PHF13: variants seen among roughly 807,000 people sequenced by gnomAD.
The protein encoded by PHF13 is PHD zinc finger protein PHF5.
In PHF13, 1 loss-of-function variant was observed where a neutral mutation model predicts 25.8. The ratio of observed to expected loss-of-function variants is 0.04; its 90% confidence interval spans 0.01 to 0.18. The LOEUF (loss-of-function observed/expected upper bound fraction) is 0.18. Among genes scored for constraint, PHF13 ranks in the 10% least tolerant of loss-of-function variants. The probability of loss-of-function intolerance (pLI) is 1.00; values close to 1 mark genes in which losing one functional copy is unlikely to be tolerated. For missense variants in PHF13, 306 were observed against 403.2 expected (o/e 0.76, Z 2.06); for synonymous variants, 195 against 162.4 (o/e 1.20, Z -1.53).
rs1641375008 is a variant in PHF13, at chr1:6,623,351, G to A, written c.*1714G>A. On this transcript the variant is annotated 3_prime_UTR_variant, in exon 4 of 4. Transcript: ENST00000377648. ...GTGAAGATCCCCAAGGGGGAGGTTC[G>A]GTAGAGAAAAATAGTAAGCTGGTTT... 1 of 152,606 alleles carries A rather than the reference G, an allele frequency of 6.6e-6. No individual in the cohort carries two copies. The highest frequency in any genetic ancestry group is 1.5e-5 in the Non-Finnish European group (1 of 68,048). The allele number at this position is 152,606 out of a possible 1,614,324, so 9.5% of individuals were successfully genotyped here.
At chr1:6,619,058 C>T (rs954842079) in intron 2 of PHF13, among the ~76,000 whole-genome samples, 1 of 152,188 alleles carries the variant, frequency 6.6e-6, no homozygotes, top group Non-Finnish European at 1.5e-5. Flanking sequence ...GCAGTAATTA[C>T]CTACTTGGAT....
At chr1:6,616,995 T>G in intron 2 of PHF13, 137 bp downstream of exon 2, 1 of 661,288 alleles carries the variant, frequency 1.5e-6, no homozygotes, top group African/African-American at 1.8e-5. Flanking sequence ...CAGTCACTAG[T>G]CTGGCAGAAA....
In PHF13 at chr1:6,623,710, C is replaced by T. The variant is rs1172632589; in HGVS notation, c.*2073C>T. 2.6e-5 allele frequency: 4 copies of T among 152,552 alleles called. No individual in the cohort carries two copies. The highest frequency in any genetic ancestry group is 6.6e-5 in the Admixed American group (1 of 15,260). 9.4% of individuals were successfully genotyped at this position (152,552 alleles called of 1,614,324 possible). The stretch of plus-strand genomic sequence containing the variant: ...TCCCTGTGGGTGGTGTCTAAGAAGT[C>T]GGACACCTTGGTTTTTGTGTTAGAT... On this transcript the variant is annotated 3_prime_UTR_variant, in exon 4 of 4. Transcript: ENST00000377648.
chr1:6,615,470 G>C (rs1641246953), intron 1 of PHF13, among the ~76,000 whole-genome samples: 1 of 152,108 alleles, frequency 6.6e-6, no homozygotes, highest in South Asian at 2.1e-4. Context: ...TTTTCTAAGG[G>C]CACCGACTTT....
In PHF13 at chr1:6,621,033, A is replaced by AG. The variant is rs1641330706; in HGVS notation, c.677-378_677-377insG. ...GGCGACAGCAAAACTCCGTCTCAAG[A>AG]AAAAAAAAAAAAACAATAGTCGAGT... On this transcript the variant is annotated intron_variant, in intron 3 of 3. Coordinates refer to ENST00000377648, the MANE Select transcript of PHF13 (RefSeq NM_153812.3). This position sits in a 1 kb window ranked among gnomAD's most constrained non-coding sequence, Gnocchi z 4.8. 5.6e-5 allele frequency among the ~76,000 whole-genome samples: 1 copy of AG among 17,792 alleles called. No homozygotes were observed. 11.7% of individuals were successfully genotyped at this position (17,792 alleles called of 152,430 possible).
chr1:6,618,251 C>T (rs1641289361), intron 2 of PHF13, among the ~76,000 whole-genome samples: 2 of 152,096 alleles, frequency 1.3e-5, no homozygotes, highest in Admixed American at 6.6e-5. Context: ...CCTCCCACCT[C>T]AGCCTTCCAA....
At position 6,613,794 on chromosome 1, in the gene PHF13, TCACCGCCGC is replaced by T; in HGVS notation, c.-271_-263del. 1 of 199,350 alleles carries T rather than the reference TCACCGCCGC, an allele frequency of 5.0e-6. No homozygotes were observed. Among genetic ancestry groups the T allele is most frequent in the Non-Finnish European group, 9.7e-6 (1 of 102,978 alleles). 12.3% of individuals were successfully genotyped at this position (199,350 alleles called of 1,614,324 possible). A position where few individuals can be genotyped will look rare whatever the true frequency, so the allele number is the denominator to read the frequency against. ...GTCGGGGAGCCGGTCGGGTTCCCGC[TCACCGCCGC>T]CGCCGCCGCCCCCTGCAGCCACTCT... On this transcript the variant is annotated 5_prime_UTR_variant, in exon 1 of 4. Coordinates refer to ENST00000377648, the MANE Select transcript of PHF13 (RefSeq NM_153812.3).
chr1:6,620,253 C>T lies in PHF13; in HGVS notation c.592C>T (p.Arg198Trp), dbSNP rs762755982. 4 of 1,613,970 alleles carry T rather than the reference C, an allele frequency of 2.5e-6. No individual in the cohort carries two copies. The highest frequency in any genetic ancestry group is 3.4e-6 in the Non-Finnish European group (4 of 1,180,010). Reference sequence around the variant, plus strand: ...CAAAGAAATAAAAACTGAAGGCAAACGGACTATCGTCCGGCAGGGAAAGCA... The same window carrying T: ...CAAAGAAATAAAAACTGAAGGCAAATGGACTATCGTCCGGCAGGGAAAGCA... ...QVKEIKTEGK[R>W]TIVRQGKQVV... is the part of the protein sequence containing the mutation. The change falls in exon 3 of 4, where the codon CGG becomes TGG. Residue 198 changes from arginine to tryptophan, a missense_variant. By Grantham distance (101) the Arg-to-Trp change is moderately radical (BLOSUM62 -3). Coordinates refer to ENST00000377648, the MANE Select transcript of PHF13 (RefSeq NM_153812.3).
chr1:6,614,052 C>A lies in PHF13; in HGVS notation c.-15C>A, dbSNP rs536679116. 12 of 1,589,292 alleles carry A rather than the reference C, an allele frequency of 7.6e-6. No homozygotes were observed. Among genetic ancestry groups the A allele is most frequent in the African/African-American group, 1.4e-5 (1 of 71,650 alleles). On this transcript the variant is annotated 5_prime_UTR_variant, in exon 1 of 4. Coordinates refer to ENST00000377648, the MANE Select transcript of PHF13 (RefSeq NM_153812.3). Reference sequence around the variant, plus strand: ...TCCTGCACTCTCGCAGCCGCCGCCGCCCCCCGCCCGGAACATGGACTCTGA... The same window carrying A: ...TCCTGCACTCTCGCAGCCGCCGCCGACCCCCGCCCGGAACATGGACTCTGA...
rs183505692 is a variant in PHF13 at position 6,619,721 on chromosome 1, C to T, written c.142-82C>T. ...TGTGCAGATGTCTCTGGAGGTCTGA[C>T]ATGGCTGGGTGGCTGGGGATGCTCT... On this transcript the variant is annotated intron_variant, in intron 2 of 3. Transcript: ENST00000377648. 40 of 1,410,024 alleles carry T rather than the reference C, an allele frequency of 2.8e-5. No individual in the cohort carries two copies. The East Asian group carries it at 8.5e-4, about 30-fold the overall frequency. The allele number at this position is 1,410,024 out of a possible 1,614,324, so 87.3% of individuals were successfully genotyped here.
intron 2 of PHF13, among the ~76,000 whole-genome samples, chr1:6,617,504 T>C (rs999873848): frequency 2.0e-5 from 3 of 152,044 alleles, no homozygotes; most frequent in African/African-American, 4.8e-5. Context: ...GTGGTGCAAT[T>C]GTGGCTCACT....
chr1:6,620,974 G>C (rs534531153), intron 3 of PHF13, among the ~76,000 whole-genome samples: 84 of 151,696 alleles, frequency 5.5e-4, no homozygotes, highest in African/African-American at 1.9e-3. Flanking sequence ...GGAGGTTGCA[G>C]TGAGCCAAGA....
intron 3 of PHF13, 67 bp downstream of exon 3, chr1:6,620,404 G>A (rs2148710631): frequency 1.3e-6 from 2 of 1,508,654 alleles, no homozygotes; most frequent in South Asian, 2.6e-5. Flanking sequence ...ATTTTATTAA[G>A]TGGTCATCTC....
intron 1 of PHF13, among the ~76,000 whole-genome samples, chr1:6,614,783 C>T (rs558190887): frequency 1.3e-5 from 2 of 151,514 alleles, no homozygotes; most frequent in African/African-American, 2.4e-5. Context: ...GGCTCCGCCC[C>T]GGCTCACTCC....
In PHF13 at chr1:6,620,414, C is replaced by G. The variant is rs1433276955; in HGVS notation, c.676+77C>G. ...AGGTTATTTTATTAAGTGGTCATCT[C>G]TCTGGGGCACAGGGTCTGGTGCCTT... On this transcript the variant is annotated intron_variant, in intron 3 of 3. Coordinates refer to ENST00000377648, the MANE Select transcript of PHF13 (RefSeq NM_153812.3). 5.8e-5 allele frequency: 86 copies of G among 1,478,752 alleles called. 1 individual carries two copies. Among genetic ancestry groups the G allele is most frequent in the South Asian group, 1.3e-5 (1 of 74,806 alleles). 91.6% of individuals were successfully genotyped at this position (1,478,752 alleles called of 1,614,324 possible). A position where few individuals can be genotyped will look rare whatever the true frequency, so the allele number is the denominator to read the frequency against.
rs997655679 is a variant in PHF13, at chr1:6,623,734, A to G, written c.*2097A>G. 6.6e-6 allele frequency: 1 copy of G among 152,594 alleles called. No individual in the cohort carries two copies. The highest frequency in any genetic ancestry group is 2.4e-5 in the African/African-American group (1 of 41,422). The allele number at this position is 152,594 out of a possible 1,614,324, so 9.5% of individuals were successfully genotyped here. A position where few individuals can be genotyped will look rare whatever the true frequency, so the allele number is the denominator to read the frequency against. ...TCGGACACCTTGGTTTTTGTGTTAG[A>G]TTGAGCTGGGCAGCTGCAATCAGCT... is the stretch of plus-strand genomic sequence containing the variant. On this transcript the variant is annotated 3_prime_UTR_variant, in exon 4 of 4. Transcript: ENST00000377648.
At chr1:6,619,484 C>T (rs753307204) in intron 2 of PHF13, among the ~76,000 whole-genome samples, 2 of 152,126 alleles carry the variant, frequency 1.3e-5, no homozygotes, top group Non-Finnish European at 2.9e-5. Context: ...GGACTACAGG[C>T]ACCACCACCA....
chr1:6,619,732 G>C, intron 2 of PHF13, 71 bp from the exon 3 acceptor site: 1 of 1,468,452 alleles, frequency 6.8e-7, no homozygotes. Flanking sequence ...ATGGCTGGGT[G>C]GCTGGGGATG....
intron 2 of PHF13, 55 bp from the exon 3 acceptor site, chr1:6,619,748 C>A: frequency 6.5e-7 from 1 of 1,534,508 alleles, no homozygotes; most frequent in Non-Finnish European, 8.8e-7. Context: ...GGATGCTCTG[C>A]TCTGGGCTGG....
Sources: gnomAD v4.1 joint callset for allele counts (sites outside exome capture counted in the v4.1 genomes callset) on GRCh38, gnomAD v4.1.1 for gene constraint, Gnocchi (gnomAD v3.1) non-coding constraint, MANE v1.5 for transcripts, NCBI Gene and HGNC (gene_info 2026-07-23, HGNC 2026-07-21) for gene names.